RGS6: variants seen among roughly 807,000 people sequenced by gnomAD.
RGS6 encodes the protein regulator of G-protein signaling 6.
A neutral mutation model predicts 78.5 loss-of-function variants in RGS6; 30 were observed. That is an observed-to-expected ratio of 0.38 (90% CI 0.29 to 0.52). The LOEUF is 0.52. Ranked by LOEUF, RGS6 falls within the 20% of genes least tolerant of loss-of-function variation. The pLI is 0.85. For synonymous variants in RGS6, 206 were observed against 206.0 expected, an observed-to-expected ratio of 1.00 and a Z score of 0.00; for missense variants, 495 against 609.7, an observed-to-expected ratio of 0.81 and a Z score of 1.98.
intron 17 of RGS6, chr14:72,547,316 GTT>G: frequency 6.5e-7 from 1 of 1,535,532 alleles, no homozygotes. Flanking sequence ...AGACTGGAAA[GTT>G]CAAAGAGAAG....
the RGS6 span, among the ~76,000 whole-genome samples, chr14:71,879,391 T>A: frequency 6.6e-6 from 1 of 152,164 alleles, no homozygotes; most frequent in Non-Finnish European, 1.5e-5. Flanking sequence ...TCTGAACAAC[T>A]ATAATATGAG....
chr14:71,890,784 A>AGGATTATT, the RGS6 span, among the ~76,000 whole-genome samples: 1 of 152,264 alleles, frequency 6.6e-6, no homozygotes, highest in African/African-American at 2.4e-5. Context: ...TAAGAATAAA[A>AGGATTATT]CTATTATTAG....
At chr14:72,313,954 A>C (rs1476681327) in intron 2 of RGS6, among the ~76,000 whole-genome samples, 2 of 152,202 alleles carry the variant, frequency 1.3e-5, no homozygotes, top group East Asian at 3.9e-4. Flanking sequence ...TAAATCAACC[A>C]ACCAAACCTT....
chr14:72,621,603 A>C, the RGS6 span, among the ~76,000 whole-genome samples: 6 of 152,198 alleles, frequency 3.9e-5, no homozygotes, highest in Admixed American at 2.0e-4. Flanking sequence ...ATCAGATTGC[A>C]GTTTAGAAAG....
chr14:72,539,914 T>G (rs554975542), intron 16 of RGS6, 127 bp from the exon 17 acceptor site: 1 of 756,680 alleles, frequency 1.3e-6, no homozygotes, highest in South Asian at 2.0e-5. Context: ...TTTCCCATTT[T>G]TCGCCCCATT....
At chr14:72,579,861 A>T in the RGS6 span, among the ~76,000 whole-genome samples, 1 of 152,240 alleles carries the variant, frequency 6.6e-6, no homozygotes, top group African/African-American at 2.4e-5. Flanking sequence ...ATGTCATGTT[A>T]GTGTGGACTG....
intron 1 of RGS6, among the ~76,000 whole-genome samples, chr14:71,942,946 A>G (rs372741034): frequency 4.6e-5 from 7 of 152,242 alleles, no homozygotes; most frequent in African/African-American, 7.2e-5. Context: ...TGGTTAAACT[A>G]TCAAAGAGAA....
chr14:72,013,040 G>T (rs192120343), intron 2 of RGS6, among the ~76,000 whole-genome samples: 19 of 152,178 alleles, frequency 1.2e-4, no homozygotes, highest in Non-Finnish European at 2.2e-4. Flanking sequence ...GGAGGCTGAC[G>T]TGGGCGGATC....
At chr14:72,458,222 A>G (rs771338515) in intron 4 of RGS6, 49 bp from the exon 5 acceptor site, 1 of 1,471,836 alleles carries the variant, frequency 6.8e-7, no homozygotes, top group South Asian at 1.2e-5. Flanking sequence ...ATTTTCAGCC[A>G]AATAACCTGC....
In RGS6 at chr14:72,555,140, C is replaced by T. The variant is rs548538190; in HGVS notation, c.1423-7277C>T. Among the ~76,000 whole-genome samples the T allele has an allele frequency of 2.0e-5, 3 of 152,322 alleles. No individual in the cohort carries two copies. In the South Asian group the frequency reaches 6.2e-4, roughly 32 times the overall value. The stretch of plus-strand genomic sequence containing the variant: ...GGGGTTGGTTTTCATTAGAGTAAGG[C>T]CACCCTGCCTGCCCCACCTTAGAAA... On this transcript the variant is annotated intron_variant, in intron 17 of 17. Coordinates refer to ENST00000553525, the MANE Select transcript of RGS6 (RefSeq NM_001204424.2).
chr14:72,304,392 T>G (rs1200181953), intron 2 of RGS6, among the ~76,000 whole-genome samples: 1 of 152,218 alleles, frequency 6.6e-6, no homozygotes, highest in Non-Finnish European at 1.5e-5. Flanking sequence ...TGCACAGAAC[T>G]CTATAGTATG....
the RGS6 span, chr14:72,619,762 G>T: frequency 1.2e-6 from 1 of 811,936 alleles, no homozygotes; most frequent in East Asian, 2.8e-5. Flanking sequence ...TACCTACCTT[G>T]TGGGGTTGTG....
chr14:72,275,150 A>G (rs538299981), intron 2 of RGS6, among the ~76,000 whole-genome samples: 37 of 152,350 alleles, frequency 2.4e-4, no homozygotes, highest in East Asian at 1.5e-3. Context: ...TTTGTCTTGT[A>G]TGATAGTTAT....
At chr14:71,924,039 C>A in the RGS6 span, among the ~76,000 whole-genome samples, 1 of 152,022 alleles carries the variant, frequency 6.6e-6, no homozygotes, top group Non-Finnish European at 1.5e-5. Context: ...ATTTATTATT[C>A]ATTCATCCAT....
chr14:72,559,156 C>T (rs920391557), intron 17 of RGS6, among the ~76,000 whole-genome samples: 67 of 152,198 alleles, frequency 4.4e-4, no homozygotes, highest in African/African-American at 1.6e-3. Context: ...AGTAAAGAGA[C>T]GGGGCAGTGC....
intron 2 of RGS6, among the ~76,000 whole-genome samples, chr14:72,178,313 C>T (rs2077350225): frequency 6.6e-6 from 1 of 152,230 alleles, no homozygotes; most frequent in South Asian, 2.1e-4. Flanking sequence ...TCTCAGAGTG[C>T]TTCCTCCAAC....
chr14:71,961,935 G>A (rs1217916338), intron 1 of RGS6, among the ~76,000 whole-genome samples: 1 of 152,084 alleles, frequency 6.6e-6, no homozygotes, highest in African/African-American at 2.4e-5. Context: ...TGAAAACCTA[G>A]TCCTTTAATT....
intron 3 of RGS6, among the ~76,000 whole-genome samples, chr14:72,379,534 C>A (rs1178956561): frequency 6.6e-6 from 1 of 151,796 alleles, no homozygotes; most frequent in African/African-American, 2.4e-5. Context: ...TGTACTTGAA[C>A]AATGAACTAA....
intron 2 of RGS6, among the ~76,000 whole-genome samples, chr14:72,142,028 C>G (rs12882085): frequency 0.16 from 24,756 of 152,108 alleles, 2,126 homozygotes; most frequent in South Asian, 0.23. Flanking sequence ...TACCTCCTCA[C>G]TTTGGGGAGC....
Sources: allele counts gnomAD v4.1 joint callset (sites outside exome capture counted in the v4.1 genomes callset), GRCh38; gene constraint gnomAD v4.1.1; transcripts MANE v1.5; gene names NCBI Gene and HGNC (gene_info 2026-07-23, HGNC 2026-07-21).